CNIH3: variants seen among roughly 807,000 people sequenced by gnomAD.
CNIH3 encodes the protein protein cornichon homolog 3.
CNIH3 carries 14 observed loss-of-function variants against 24.1 expected under a neutral mutation model. The ratio of observed to expected loss-of-function variants is 0.58; its 90% CI spans 0.38 to 0.91. The LOEUF (loss-of-function observed/expected upper bound fraction) is 0.91. Ranked by LOEUF, CNIH3 falls within the 40% of genes least tolerant of loss-of-function variation. The pLI, the probability that CNIH3 is intolerant of heterozygous loss-of-function variation, is 0.00. For missense variants in CNIH3, 178 were observed against 196.8 expected (o/e 0.90, Z 0.57); for synonymous variants, 68 against 73.8 (o/e 0.92, Z 0.40).
chr1:224,580,784 T>A (rs887714539), intron 4 of CNIH3, among the ~76,000 whole-genome samples: 6 of 148,404 alleles, frequency 4.0e-5, no homozygotes, highest in African/African-American at 1.5e-4. Context: ...CACAGCCTGA[T>A]GACAGAGCGA....
At chr1:224,678,898 G>A (rs1686264789) in intron 1 of CNIH3, among the ~76,000 whole-genome samples, 1 of 152,120 alleles carries the variant, frequency 6.6e-6, no homozygotes, top group Non-Finnish European at 1.5e-5. Flanking sequence ...GCTGGGGTCA[G>A]CAGATTTTTT....
intron 1 of CNIH3, among the ~76,000 whole-genome samples, chr1:224,459,839 A>G (rs569468954): frequency 6.7e-4 from 101 of 151,262 alleles, no homozygotes; most frequent in Admixed American, 2.0e-3. Context: ...GTTCCCCTGC[A>G]CACCCTGGGC....
chr1:224,480,550 C>T (rs187408164), intron 1 of CNIH3, among the ~76,000 whole-genome samples: 2 of 152,302 alleles, frequency 1.3e-5, no homozygotes, highest in Admixed American at 6.5e-5. Context: ...GTGCCTTTAA[C>T]AGCACCCAAG....
intron 1 of CNIH3, among the ~76,000 whole-genome samples, chr1:224,471,162 C>A (rs537579365): frequency 6.6e-6 from 1 of 151,796 alleles, no homozygotes; most frequent in Non-Finnish European, 1.5e-5. Context: ...CCTCAGCCTC[C>A]CGGGTAGCTG....
intron 1 of CNIH3, among the ~76,000 whole-genome samples, chr1:224,451,205 G>A (rs1044597239): frequency 5.3e-5 from 8 of 152,144 alleles, no homozygotes; most frequent in African/African-American, 1.4e-4. Context: ...AAAGCTCATC[G>A]CAGGTAGGCT....
intron 1 of CNIH3, among the ~76,000 whole-genome samples, chr1:224,502,283 G>A (rs1441321893): frequency 6.6e-6 from 1 of 152,184 alleles, no homozygotes. Flanking sequence ...TGAGATTGCA[G>A]CCAGAAATGA....
At chr1:224,710,236 G>C (rs1370193383) in intron 3 of CNIH3, among the ~76,000 whole-genome samples, 1 of 152,228 alleles carries the variant, frequency 6.6e-6, no homozygotes, top group Non-Finnish European at 1.5e-5. Context: ...TGTTACTTGG[G>C]ATTTACACCA....
chr1:224,501,792 G>A (rs1287761324), intron 1 of CNIH3, among the ~76,000 whole-genome samples: 4 of 152,042 alleles, frequency 2.6e-5, no homozygotes, highest in Admixed American at 1.3e-4. Context: ...TGTTGCCCAG[G>A]CTGGTCTCAA....
At chr1:224,705,859 CTTTTTTT>C (rs869143802) in intron 3 of CNIH3, among the ~76,000 whole-genome samples, 2 of 88,924 alleles carry the variant, frequency 2.2e-5, no homozygotes, top group East Asian at 5.5e-4. Flanking sequence ...TCTTTTTTTT[CTTTTTTT>C]TTTTTTTTGA....
At chr1:224,613,078 G>A (rs527669159), upstream of CNIH3, among the ~76,000 whole-genome samples, 509 of 152,264 alleles carry the variant, frequency 3.3e-3, no homozygotes, top group Non-Finnish European at 5.3e-3. Flanking sequence ...AGCTCACTGT[G>A]CCTTGACCTC....
chr1:224,534,090 C>T (rs918340843), intron 2 of CNIH3, among the ~76,000 whole-genome samples: 6 of 152,110 alleles, frequency 3.9e-5, no homozygotes, highest in African/African-American at 7.2e-5. Context: ...GCTTGAGCCT[C>T]GGAGGTTGAG....
At chr1:224,461,085 C>T (rs1675894474) in intron 1 of CNIH3, among the ~76,000 whole-genome samples, 1 of 151,874 alleles carries the variant, frequency 6.6e-6, no homozygotes, top group Non-Finnish European at 1.5e-5. Flanking sequence ...TCACTGCAAC[C>T]TCCACCTCCT....
chr1:224,443,662 TATAGATAG>T (rs5781369), intron 1 of CNIH3, among the ~76,000 whole-genome samples: 4 of 148,892 alleles, frequency 2.7e-5, no homozygotes, highest in African/African-American at 7.5e-5. Context: ...CAATTATATA[TATAGATAG>T]ATAGATAGAT....
intron 1 of CNIH3, among the ~76,000 whole-genome samples, chr1:224,498,313 G>C (rs937199175): frequency 8.5e-5 from 13 of 152,164 alleles, no homozygotes; most frequent in Admixed American, 2.6e-4. Flanking sequence ...GGCGGTAGGG[G>C]TGTCATTAGC....
chr1:224,496,413 A>G (rs941620649), intron 1 of CNIH3, among the ~76,000 whole-genome samples: 3 of 152,076 alleles, frequency 2.0e-5, no homozygotes, highest in Admixed American at 6.5e-5. Context: ...TGCTACCACC[A>G]TCGCTCCTGC....
At chr1:224,738,125 G>T (rs1396892975) in intron 5 of CNIH3, among the ~76,000 whole-genome samples, 2 of 152,164 alleles carry the variant, frequency 1.3e-5, no homozygotes, top group Non-Finnish European at 2.9e-5. Context: ...CAGTGTCCTG[G>T]CCCGTGCCTG....
At chr1:224,531,153 C>T (rs770161989) in intron 2 of CNIH3, among the ~76,000 whole-genome samples, 21 of 152,120 alleles carry the variant, frequency 1.4e-4, no homozygotes, top group Admixed American at 3.3e-4. Flanking sequence ...ATAGTGTATT[C>T]CAGCTGTAGT....
intron 3 of CNIH3, among the ~76,000 whole-genome samples, chr1:224,550,027 T>C (rs2124963791): frequency 6.6e-6 from 1 of 151,954 alleles, no homozygotes; most frequent in South Asian, 2.1e-4. Context: ...CAGGATATCA[T>C]AGAATATCAG....
intron 1 of CNIH3, among the ~76,000 whole-genome samples, chr1:224,617,779 C>G (rs1463522027): frequency 1.3e-5 from 2 of 151,620 alleles, no homozygotes; most frequent in African/African-American, 4.9e-5. Flanking sequence ...CGATGGGGGT[C>G]GAAGTGGAAG....
Sources: allele counts gnomAD v4.1 joint callset (sites outside exome capture counted in the v4.1 genomes callset), GRCh38; gene constraint gnomAD v4.1.1; transcripts MANE v1.5; gene names NCBI Gene and HGNC (gene_info 2026-07-23, HGNC 2026-07-21).